The following ASPM variants were observed in gnomAD, a reference collection of about 807,000 sequenced individuals.
ASPM encodes abnormal spindle-like microcephaly-associated protein.
ASPM carries 256 observed loss-of-function variants against 366.4 expected under a neutral mutation model. That is an observed-to-expected ratio of 0.70 (90% CI 0.63 to 0.77). ASPM has a LOEUF of 0.77. Ranked by LOEUF, ASPM falls within the 30% of genes least tolerant of loss-of-function variation. The pLI is 0.00. For missense variants in ASPM, 4,146 were observed against 4,090.4 expected, an observed-to-expected ratio of 1.01 and a Z score of -0.37; for synonymous variants, 1,414 against 1,342.9, an observed-to-expected ratio of 1.05 and a Z score of -1.16.
rs2125109370 is a variant in ASPM, at chr1:197,133,280, G to A, written c.2419+70C>T. On this transcript the variant is annotated intron_variant, in intron 6 of 27. Transcript: ENST00000367409. ...TGTCAATTATATGTCAATAAAGCCG[G>A]GGGAAAAAAACACAAAATCTCTTGA... The A allele has an allele frequency of 4.0e-6, 6 of 1,515,040 alleles. No homozygotes were observed. In the East Asian group the frequency reaches 6.8e-5, roughly 17 times the overall value. The allele number at this position is 1,515,040 out of a possible 1,614,324, so 93.8% of individuals were successfully genotyped here.
chr1:197,116,477 A>G (rs529193199), intron 17 of ASPM, among the ~76,000 whole-genome samples: 3 of 152,318 alleles, frequency 2.0e-5, no homozygotes, highest in South Asian at 4.1e-4. Context: ...AGTGTTGCAG[A>G]CTTGCTTAAC....
chr1:197,138,745 C>G, intron 4 of ASPM: 3 of 709,800 alleles, frequency 4.2e-6, no homozygotes, highest in Middle Eastern at 4.1e-4. Context: ...TTAAGAGAAA[C>G]GATTATTTCT....
chr1:197,085,296 CT>C (rs1656553258), intron 27 of ASPM, among the ~76,000 whole-genome samples: 1 of 152,110 alleles, frequency 6.6e-6, no homozygotes, highest in African/African-American at 2.4e-5. Context: ...TGCCAGCATG[CT>C]CCCTTTCTCT....
chr1:197,126,388 C>T (rs984275134), intron 10 of ASPM, among the ~76,000 whole-genome samples: 3 of 134,302 alleles, frequency 2.2e-5, no homozygotes, highest in Non-Finnish European at 3.1e-5. Context: ...TGCAGTGAGC[C>T]GAGATCGTGC....
chr1:197,139,443 A>G, intron 4 of ASPM: 1 of 553,558 alleles, frequency 1.8e-6, no homozygotes, highest in Non-Finnish European at 3.2e-6. Flanking sequence ...AAAAATACAA[A>G]AAAATTAGCC....
Position 197,124,884 on chromosome 1 carries a change from C to A in ASPM, c.3154G>T (p.Ala1052Ser), listed in dbSNP as rs754768918. The A allele has an allele frequency of 1.2e-6, 2 of 1,606,656 alleles. No individual in the cohort carries two copies. Among genetic ancestry groups the A allele is most frequent in the Non-Finnish European group, 1.7e-6 (2 of 1,174,002 alleles). ...ATGTATAATACCTGAAAAGCAAACG[C>A]TATTTTCCAAAGCAACCTGAGAGTT... ...EKTLRLLWKI[A>S]FAFQVDISLN... The change falls in exon 12 of 28, where the codon GCG becomes TCG. Residue 1052 changes from alanine (A) to serine (S), a missense_variant. Ala to Ser is a moderately conservative substitution (Grantham distance 99, BLOSUM62 1). Around this residue, in one of 3 missense-constraint regions of ASPM, gnomAD observed 3,624 missense variants for 3,591.7 expected, o/e 1.01. Transcript: ENST00000367409.
intron 18 of ASPM, among the ~76,000 whole-genome samples, chr1:197,098,015 T>C (rs199735937): frequency 3.5e-4 from 48 of 135,766 alleles, no homozygotes; most frequent in African/African-American, 7.5e-4. Flanking sequence ...TATATATATA[T>C]ACACACACAC....
At chr1:197,126,448 A>G (rs1658092828) in intron 10 of ASPM, among the ~76,000 whole-genome samples, 2 of 143,904 alleles carry the variant, frequency 1.4e-5, no homozygotes, top group African/African-American at 2.5e-5. Flanking sequence ...TCAAAAAAAA[A>G]AAAAAAAAAA....
At position 197,102,212 on chromosome 1, in the gene ASPM, T is replaced by A. The variant is rs1164013156; in HGVS notation, c.7039A>T (p.Met2347Leu). 1 of 1,612,848 alleles carries A rather than the reference T, an allele frequency of 6.2e-7. No individual in the cohort carries two copies. The highest frequency in any genetic ancestry group is 1.7e-5 in the Admixed American group (1 of 59,794). ...AATFIQSTFR[M>L]HRLHMRYQAL... ...TGATATCTCATATGTAATCTGTGCATTCTGAAAGTAGACTGGATGAAAGTA... is the reference window on the plus strand; with the variant it reads ...TGATATCTCATATGTAATCTGTGCAATCTGAAAGTAGACTGGATGAAAGTA... The change falls in exon 18 of 28, where the codon ATG (methionine) becomes TTG (leucine). Residue 2347 changes from methionine to leucine, a missense_variant. Physicochemically the swap from Met to Leu is conservative, Grantham distance 15. This residue lies in a region of ASPM where 3,624 missense variants were observed against 3,591.7 expected (regional missense o/e 1.01). Transcript: ENST00000367409.
rs377299982 is a variant in ASPM at position 197,142,892 on chromosome 1, G to C, written c.1360C>G (p.Leu454Val). Residue 454 changes from leucine to valine, a missense_variant, in exon 3 of 28, where the codon CTA becomes GTA. Transcript: ENST00000367409. ...SKSPKAIFEE[L>V]VEMKSNYYSF... ...TAGTAATTTGACTTCATTTCTACTA[G>C]TTCTTCAAAAATAGCTTTGGGAGAT... 3.7e-6 allele frequency: 6 copies of C among 1,613,400 alleles called. No individual in the cohort carries two copies. Among genetic ancestry groups the C allele is most frequent in the Non-Finnish European group, 5.1e-6 (6 of 1,179,512 alleles).
chr1:197,122,034 T>A lies in ASPM; in HGVS notation c.3751A>T (p.Thr1251Ser). The A allele has an allele frequency of 6.2e-7, 1 of 1,612,088 alleles. No individual in the cohort carries two copies. Among genetic ancestry groups the A allele is most frequent in the Non-Finnish European group, 8.5e-7 (1 of 1,178,726 alleles). ...NTIPDEKVVI[T>S]YLSFLCARLL... ...CTTGCACAAAGAAATGACAAATAGG[T>A]AATAACCACCTAAAAAAAACCCACA... The change falls in exon 16 of 28, where the codon ACC (threonine) becomes TCC (serine). Residue 1251 changes from threonine to serine, a missense_variant. Coordinates refer to ENST00000367409, the MANE Select transcript of ASPM (RefSeq NM_018136.5).
In ASPM at chr1:197,084,141, A is replaced by G; in HGVS notation, c.*183T>C. ...GAATAATATAATCATCTTATGACAT[A>G]TTAGTTTATTACATGCATAAAACTA... On this transcript the variant is annotated 3_prime_UTR_variant, in exon 28 of 28. Transcript: ENST00000367409. The G allele has an allele frequency of 1.7e-6, 1 of 596,010 alleles. No homozygotes were observed. The allele number at this position is 596,010 out of a possible 1,614,324, so 36.9% of individuals were successfully genotyped here.
chr1:197,088,383 A>G lies in ASPM; in HGVS notation c.10034T>C (p.Ile3345Thr), dbSNP rs1193488480. The G allele has an allele frequency of 1.2e-6, 2 of 1,610,632 alleles. No homozygotes were observed. Among genetic ancestry groups the G allele is most frequent in the East Asian group, 2.2e-5 (1 of 44,784 alleles). Reference protein sequence around the residue: ...AVYDVENCIDILLELLQIYRE... With the variant: ...AVYDVENCIDTLLELLQIYRE... ...GTATATCTGCAAAAGCTCCAATAGT[A>G]TATCTATACAATTTTCTACATCATA... The change falls in exon 26 of 28, where the codon ATA (isoleucine) becomes ACA (threonine). Residue 3345 changes from isoleucine (I) to threonine (T), a missense_variant. Ile to Thr is a moderately conservative substitution (Grantham distance 89, BLOSUM62 -1). This residue lies in a region of ASPM where 3,624 missense variants were observed against 3,591.7 expected (regional missense o/e 1.01). Transcript: ENST00000367409.
intron 9 of ASPM, 75 bp from the exon 10 acceptor site, chr1:197,128,740 TC>T (rs1658169139): frequency 2.5e-6 from 3 of 1,184,678 alleles, no homozygotes; most frequent in Non-Finnish European, 2.4e-6. Context: ...ATCCTCCAAA[TC>T]ATTCTGTACA....
rs755461768 is a variant in ASPM, at chr1:197,143,022, T to A, written c.1230A>T (p.Thr410=). ...NMAYMCTSQQ[T]CKVPLSNENS... ...TTTCATTTGATAATGGTACTTTACA[T>A]GTTTGCTGAGATGTACACATATATG... Residue 410 remains threonine (T), a synonymous_variant, in exon 3 of 28, where the codon ACA becomes ACT. Transcript: ENST00000367409. 1 of 1,613,538 alleles carries A rather than the reference T, an allele frequency of 6.2e-7. No individual in the cohort carries two copies. Among genetic ancestry groups the A allele is most frequent in the African/African-American group, 1.3e-5 (1 of 75,030 alleles).
chr1:197,102,196 A>C lies in ASPM; in HGVS notation c.7055T>G (p.Met2352Arg). ...QSTFRMHRLH[M>R]RYQALKQASV... ...GGCCTGTTTCAAAGCCTGATATCTC[A>C]TATGTAATCTGTGCATTCTGAAAGT... The change falls in exon 18 of 28, where the codon ATG becomes AGG. Residue 2352 changes from methionine to arginine, a missense_variant. Met to Arg is a moderately conservative substitution (Grantham distance 91). Around this residue, in one of 3 missense-constraint regions of ASPM, gnomAD observed 3,624 missense variants for 3,591.7 expected, o/e 1.01. Coordinates refer to ENST00000367409, the MANE Select transcript of ASPM (RefSeq NM_018136.5). The C allele has an allele frequency of 2.5e-6, 4 of 1,612,754 alleles. No individual in the cohort carries two copies. The highest frequency in any genetic ancestry group is 1.3e-5 in the African/African-American group (1 of 74,892).
Position 197,102,986 on chromosome 1 carries a change from C to T in ASPM, c.6265G>A (p.Glu2089Lys), listed in dbSNP as rs147876359. ...GCTGTCTTCTTCAAATTAAGATACT[C>T]CTTATGCTGATGGTTTGTAATTTTA... Reference protein sequence around the residue: ...GIKITNHQHKEYLNLKKTAIK... With the variant: ...GIKITNHQHKKYLNLKKTAIK... The change falls in exon 18 of 28, where the codon GAG becomes AAG. Residue 2089 changes from glutamate to lysine, a missense_variant. By Grantham distance (56) the Glu-to-Lys change is moderately conservative. This residue lies in a region of ASPM where 3,624 missense variants were observed against 3,591.7 expected (regional missense o/e 1.01). Transcript: ENST00000367409. 25 of 1,612,084 alleles carry T rather than the reference C, an allele frequency of 1.6e-5. No individual in the cohort carries two copies. The highest frequency in any genetic ancestry group is 6.7e-5 in the Admixed American group (4 of 59,738).
At chr1:197,107,478 A>G (rs759952348) in intron 17 of ASPM, among the ~76,000 whole-genome samples, 3 of 152,150 alleles carry the variant, frequency 2.0e-5, no homozygotes, top group Non-Finnish European at 2.9e-5. Flanking sequence ...TAAACAAAAC[A>G]TAGAGTCTGA....
In ASPM at chr1:197,140,610, C is replaced by CAGTAT. The variant is rs372405069; in HGVS notation, c.1922-744_1922-740dup. 7.4e-3 allele frequency among the ~76,000 whole-genome samples: 1,127 copies of CAGTAT among 152,252 alleles called. 13 individuals are homozygous for CAGTAT. Among genetic ancestry groups the CAGTAT allele is most frequent in the African/African-American group, 0.026 (1,071 of 41,558 alleles). On this transcript the variant is annotated intron_variant, in intron 3 of 27. Coordinates refer to ENST00000367409, the MANE Select transcript of ASPM (RefSeq NM_018136.5). ...TAAGTAGCAAAGATTTGAACAAAGGCAGTATAGTTACAGAACCTCCACTAT... is the reference window on the plus strand; with the variant it reads ...TAAGTAGCAAAGATTTGAACAAAGGCAGTATAGTATAGTTACAGAACCTCCACTAT...
Sources: allele counts gnomAD v4.1 joint callset (sites outside exome capture counted in the v4.1 genomes callset), GRCh38; gene constraint gnomAD v4.1.1; regional missense constraint gnomAD v4.1.1; transcripts MANE v1.5; gene names NCBI Gene and HGNC (gene_info 2026-07-23, HGNC 2026-07-21).